The following PTPRK variants were observed in gnomAD, a reference collection of about 807,000 sequenced individuals.
PTPRK encodes the protein protein tyrosine phosphatase receptor type K.
PTPRK carries 75 observed loss-of-function variants against 178.0 expected under a neutral mutation model. That is an observed-to-expected ratio of 0.42 (90% CI 0.35 to 0.51). PTPRK has a LOEUF of 0.51. Ranked by LOEUF, PTPRK falls within the 20% of genes least tolerant of loss-of-function variation. The pLI is 0.02. For missense variants in PTPRK, 1,441 were observed against 1,797.8 expected, an observed-to-expected ratio of 0.80 and a Z score of 3.59; for synonymous variants, 637 against 620.6, an observed-to-expected ratio of 1.03 and a Z score of -0.39.
intron 7 of PTPRK, among the ~76,000 whole-genome samples, chr6:128,125,921 T>C (rs1793293390): frequency 6.6e-6 from 1 of 152,116 alleles, no homozygotes; most frequent in Non-Finnish European, 1.5e-5. Flanking sequence ...TTTGGGGTTT[T>C]AAAAAATAGT....
Position 128,083,706 on chromosome 6 carries a change from TC to T in PTPRK, c.1575+8del. ...CACATTTCAATTAACTTCCTTGTTC[TC>T]CCAATACCTCATATTGAGTGATGAT... On this transcript the variant is annotated splice_region_variant and intron_variant, in intron 9 of 29. Coordinates refer to ENST00000368226, the MANE Select transcript of PTPRK (RefSeq NM_002844.4). 6.6e-7 allele frequency: 1 copy of T among 1,510,242 alleles called. No homozygotes were observed. Among genetic ancestry groups the T allele is most frequent in the Non-Finnish European group, 9.1e-7 (1 of 1,104,168 alleles). 93.6% of individuals were successfully genotyped at this position (1,510,242 alleles called of 1,614,324 possible).
At chr6:128,305,330 TA>T (rs1270308320) in intron 3 of PTPRK, among the ~76,000 whole-genome samples, 2 of 152,196 alleles carry the variant, frequency 1.3e-5, no homozygotes, top group Admixed American at 1.3e-4. Flanking sequence ...ACATCTTTAG[TA>T]GCTTAGAGGA....
At chr6:128,209,185 T>C (rs1236068498) in intron 6 of PTPRK, among the ~76,000 whole-genome samples, 1 of 152,136 alleles carries the variant, frequency 6.6e-6, no homozygotes, top group African/African-American at 2.4e-5. Context: ...TCATCTGGTA[T>C]CCTGGTTTTC....
chr6:128,179,745 CA>C (rs1801623007), intron 7 of PTPRK, among the ~76,000 whole-genome samples: 1 of 151,874 alleles, frequency 6.6e-6, no homozygotes, highest in Admixed American at 6.6e-5. Context: ...TAAACCATAG[CA>C]AAAATCAATA....
chr6:128,238,209 A>C, intron 5 of PTPRK: 8 of 349,940 alleles, frequency 2.3e-5, no homozygotes, highest in South Asian at 1.6e-4. Flanking sequence ...AAAAGAAAAG[A>C]AAAAAAAAAG....
chr6:128,274,764 T>G (rs1057125833), intron 3 of PTPRK, among the ~76,000 whole-genome samples: 7 of 152,034 alleles, frequency 4.6e-5, no homozygotes, highest in African/African-American at 1.4e-4. Context: ...GAGTACAAAC[T>G]GAAATGGTGA....
chr6:128,111,853 G>A (rs1790721514), intron 7 of PTPRK, among the ~76,000 whole-genome samples: 1 of 151,942 alleles, frequency 6.6e-6, no homozygotes, highest in African/African-American at 2.4e-5. Flanking sequence ...CTCTACTACT[G>A]GAGTGAGGGC....
chr6:128,262,278 GAAACCAA>G (rs1287936473), intron 3 of PTPRK, among the ~76,000 whole-genome samples: 1 of 151,962 alleles, frequency 6.6e-6, no homozygotes, highest in African/African-American at 2.4e-5. Context: ...TTAAATTATT[GAAACCAA>G]ATAAGTTCAT....
At chr6:127,995,203 T>C (rs1310029556) in intron 18 of PTPRK, 1 of 1,523,832 alleles carries the variant, frequency 6.6e-7, no homozygotes, top group Admixed American at 1.9e-5. Flanking sequence ...TTAAGAATGT[T>C]TGTATTTATA....
chr6:128,112,231 T>C (rs1054690966), intron 7 of PTPRK, among the ~76,000 whole-genome samples: 1 of 152,080 alleles, frequency 6.6e-6, no homozygotes, highest in Non-Finnish European at 1.5e-5. Context: ...GACACTAGCA[T>C]TTACTTCAGT....
intron 7 of PTPRK, among the ~76,000 whole-genome samples, chr6:128,130,335 A>C (rs1408336729): frequency 6.6e-6 from 1 of 152,208 alleles, no homozygotes; most frequent in Non-Finnish European, 1.5e-5. Context: ...CCTTTCTTCA[A>C]ATCAAGAATA....
chr6:128,121,456 G>A (rs1171701137), intron 7 of PTPRK, among the ~76,000 whole-genome samples: 1 of 151,770 alleles, frequency 6.6e-6, no homozygotes, highest in Non-Finnish European at 1.5e-5. Context: ...GGCTATCCAG[G>A]TTTTCAAATA....
In PTPRK at chr6:128,089,883, A is replaced by T; in HGVS notation, c.1272T>A (p.Asn424Lys). The T allele has an allele frequency of 6.2e-7, 1 of 1,613,928 alleles. No individual in the cohort carries two copies. The highest frequency in any genetic ancestry group is 8.5e-7 in the Non-Finnish European group (1 of 1,179,808). ...GGAAGTAATGGTAGCAGATAGTGAC[A>T]TTAAAAGTGTGGCAACGCGTAATGT... ...GYNITRCHTF[N>K]VTICYHYFRG... Residue 424 changes from asparagine (N) to lysine (K), a missense_variant, in exon 8 of 30, where the codon AAT becomes AAA. Physicochemically the swap from Asn to Lys is moderately conservative, Grantham distance 94. Around this residue, in one of 4 missense-constraint regions of PTPRK, gnomAD observed 945 missense variants for 1,080.6 expected, o/e 0.87. Coordinates refer to ENST00000368226, the MANE Select transcript of PTPRK (RefSeq NM_002844.4).
chr6:128,509,525 C>T (rs909876183), intron 1 of PTPRK, among the ~76,000 whole-genome samples: 8 of 152,088 alleles, frequency 5.3e-5, no homozygotes, highest in African/African-American at 1.9e-4. Context: ...TTCAGCAATA[C>T]TTTCCTTATT....
At chr6:128,314,380 G>T (rs993243504) in intron 3 of PTPRK, among the ~76,000 whole-genome samples, 6 of 152,170 alleles carry the variant, frequency 3.9e-5, no homozygotes, top group Non-Finnish European at 8.8e-5. Flanking sequence ...CATGGATTAG[G>T]TTGCTCAATA....
chr6:128,015,306 T>C (rs1161849815), intron 13 of PTPRK, among the ~76,000 whole-genome samples: 1 of 151,776 alleles, frequency 6.6e-6, no homozygotes, highest in Non-Finnish European at 1.5e-5. Flanking sequence ...AAGAAATGTT[T>C]TAATGTGCAT....
In PTPRK at chr6:128,221,523, CA is replaced by C. The variant is rs578034379; in HGVS notation, c.694-2428del. Among the ~76,000 whole-genome samples, 1,106 of 122,304 alleles carry C rather than the reference CA, an allele frequency of 9.0e-3. 3 individuals carry two copies. The highest frequency in any genetic ancestry group is 9.2e-3 in the Admixed American group (105 of 11,466). The allele number at this position is 122,304 out of a possible 152,430, so 80.2% of individuals were successfully genotyped here. ...TGGGTGATAGAGCAAGATTCTGTCT[CA>C]AAAAAAAAAAAAATAATAATAATAA... is the stretch of plus-strand genomic sequence containing the variant. On this transcript the variant is annotated intron_variant, in intron 5 of 29. Transcript: ENST00000368226.
chr6:128,291,026 T>C (rs538677932), intron 3 of PTPRK, among the ~76,000 whole-genome samples: 22 of 152,178 alleles, frequency 1.4e-4, no homozygotes, highest in Admixed American at 2.6e-4. Flanking sequence ...ATCTCCAGAA[T>C]GTGGGAATGC....
intron 20 of PTPRK, 105 bp from the exon 21 acceptor site, chr6:127,990,990 T>C: frequency 1.4e-6 from 1 of 714,854 alleles, no homozygotes; most frequent in Non-Finnish European, 2.3e-6. Context: ...AAACTCAGTT[T>C]AAAAATCTAT....
Sources: allele counts gnomAD v4.1 joint callset (sites outside exome capture counted in the v4.1 genomes callset), GRCh38; gene constraint gnomAD v4.1.1; regional missense constraint gnomAD v4.1.1; transcripts MANE v1.5; gene names NCBI Gene and HGNC (gene_info 2026-07-23, HGNC 2026-07-21).